FMN1: variants seen among roughly 807,000 people sequenced by gnomAD.
FMN1 encodes the protein formin 1.
Under a neutral mutation model 132.4 loss-of-function variants are expected in FMN1, and 110 were observed. That is an observed-to-expected ratio of 0.83 (90% CI 0.71 to 0.97). The LOEUF (loss-of-function observed/expected upper bound fraction) is 0.97, where lower values mean the gene tolerates loss of function less well. Among genes scored for constraint, FMN1 ranks in the 50% least tolerant of loss-of-function variants. The probability of loss-of-function intolerance (pLI) is 0.00; values close to 1 mark genes in which losing one functional copy is unlikely to be tolerated. For synonymous variants in FMN1, 722 were observed against 651.7 expected (o/e 1.11, Z -1.64); for missense variants, 1,792 against 1,705.3 (o/e 1.05, Z -0.90).
chr15:33,123,046 G>GAAAA (rs1962717272), intron 4 of FMN1, among the ~76,000 whole-genome samples: 2 of 150,954 alleles, frequency 1.3e-5, no homozygotes. Flanking sequence ...CAACTAAATA[G>GAAAA]GTTTACAGCA....
At chr15:32,937,575 T>C (rs984496510) in intron 9 of FMN1, among the ~76,000 whole-genome samples, 1 of 152,216 alleles carries the variant, frequency 6.6e-6, no homozygotes, top group Non-Finnish European at 1.5e-5. Flanking sequence ...TTCCCACTTT[T>C]AGTTTCTGAG....
At chr15:32,848,977 GTTTTTTT>G (rs71113479) in intron 17 of FMN1, among the ~76,000 whole-genome samples, 3 of 89,550 alleles carry the variant, frequency 3.4e-5, no homozygotes, top group East Asian at 4.0e-4. Context: ...GTTCTCTTTT[GTTTTTTT>G]TTTTTTTTTT....
intron 7 of FMN1, among the ~76,000 whole-genome samples, chr15:32,975,519 T>TA (rs1239408889): frequency 6.6e-6 from 1 of 152,190 alleles, no homozygotes; most frequent in African/African-American, 2.4e-5. Flanking sequence ...TGTCAACTGT[T>TA]AGACATTACT....
rs148186736 is a variant in FMN1, at chr15:32,981,769, G to T, written c.2224-12292C>A. 9.2e-5 allele frequency among the ~76,000 whole-genome samples: 14 copies of T among 152,064 alleles called. No homozygotes were observed. The East Asian group carries it at 2.5e-3, about 27-fold the overall frequency. On this transcript the variant is annotated intron_variant, in intron 7 of 20. Coordinates refer to ENST00000616417, the MANE Select transcript of FMN1 (RefSeq NM_001277313.2). ...TGATTCATTTAGGATATGTTACTTA[G>T]CTTGATTTAGGCATTCCACAACGTA...
At chr15:32,889,623 T>C (rs2059977423) in intron 15 of FMN1, among the ~76,000 whole-genome samples, 2 of 152,184 alleles carry the variant, frequency 1.3e-5, no homozygotes, top group Admixed American at 6.5e-5. Flanking sequence ...CCTTCCCTAG[T>C]GCCTCCTTAC....
intron 5 of FMN1, among the ~76,000 whole-genome samples, chr15:33,070,075 C>T (rs1207312021): frequency 7.2e-6 from 1 of 139,378 alleles, no homozygotes; most frequent in East Asian, 2.1e-4. Flanking sequence ...GTGCAATCTC[C>T]GCTCACCACA....
intron 6 of FMN1, among the ~76,000 whole-genome samples, chr15:33,018,041 G>C (rs898943824): frequency 6.7e-6 from 1 of 149,792 alleles, no homozygotes; most frequent in African/African-American, 2.5e-5. Flanking sequence ...CTCCAGCCTG[G>C]GCAACAGAGC....
In FMN1 at chr15:32,766,310, G is replaced by GT. The variant is rs1209658669; in HGVS notation, c.*7999dup. The stretch of plus-strand genomic sequence containing the variant: ...GTAGATGTTTGAATCATGAATAGTA[G>GT]TAAGAATGGAGCGGCAATAAAAATC... On this transcript the variant is annotated 3_prime_UTR_variant, in exon 21 of 21. Transcript: ENST00000616417. 3.3e-5 allele frequency: 5 copies of GT among 152,312 alleles called. No homozygotes were observed. The highest frequency in any genetic ancestry group is 5.9e-5 in the Non-Finnish European group (4 of 68,038). The allele number at this position is 152,312 out of a possible 1,614,324, so 9.4% of individuals were successfully genotyped here. A position where few individuals can be genotyped will look rare whatever the true frequency, so the allele number is the denominator to read the frequency against.
chr15:32,908,722 T>C (rs2060488763), intron 11 of FMN1, 144 bp from the exon 12 acceptor site: 3 of 603,390 alleles, frequency 5.0e-6, no homozygotes, highest in Non-Finnish European at 8.7e-6. Flanking sequence ...TTGTCAGAAA[T>C]GCAAATTATT....
intron 16 of FMN1, among the ~76,000 whole-genome samples, chr15:32,870,017 G>A (rs1157758159): frequency 6.6e-6 from 1 of 152,140 alleles, no homozygotes; most frequent in Non-Finnish European, 1.5e-5. Context: ...GGAAGTCGTT[G>A]GAATTAAGCC....
At chr15:33,093,665 T>G (rs890349001) in intron 4 of FMN1, among the ~76,000 whole-genome samples, 1 of 152,118 alleles carries the variant, frequency 6.6e-6, no homozygotes, top group Admixed American at 6.5e-5. Context: ...AGCCTCTAAC[T>G]CCTCACTGGG....
At chr15:32,856,901 C>G in intron 17 of FMN1, 114 bp downstream of exon 17, 1 of 717,558 alleles carries the variant, frequency 1.4e-6, no homozygotes, top group Non-Finnish European at 2.5e-6. Flanking sequence ...AATGAAATCA[C>G]CAGAGCTGCC....
chr15:32,875,729 C>T (rs1409957041), intron 16 of FMN1, among the ~76,000 whole-genome samples: 2 of 152,224 alleles, frequency 1.3e-5, no homozygotes, highest in Non-Finnish European at 2.9e-5. Context: ...TGAGAAGAAT[C>T]TCTCTGTGGA....
At chr15:32,946,423 GC>G (rs913166551) in intron 9 of FMN1, among the ~76,000 whole-genome samples, 1 of 152,136 alleles carries the variant, frequency 6.6e-6, no homozygotes, top group African/African-American at 2.4e-5. Context: ...TAGATGATTT[GC>G]CCAGAGATGC....
chr15:32,805,194 G>A (rs1043334502), intron 17 of FMN1, among the ~76,000 whole-genome samples: 1 of 152,104 alleles, frequency 6.6e-6, no homozygotes, highest in African/African-American at 2.4e-5. Flanking sequence ...TTTAGTGATC[G>A]CCATTCTAAC....
At chr15:32,807,088 G>T (rs987646362) in intron 17 of FMN1, among the ~76,000 whole-genome samples, 8 of 152,154 alleles carry the variant, frequency 5.3e-5, no homozygotes, top group African/African-American at 1.9e-4. Context: ...GCTTAAAAAT[G>T]CATATATTGG....
chr15:32,918,236 AACTG>A (rs1286392813), intron 10 of FMN1, among the ~76,000 whole-genome samples: 15 of 152,294 alleles, frequency 9.8e-5, no homozygotes, highest in East Asian at 5.8e-4. Flanking sequence ...TGCATGCCAA[AACTG>A]ACTAACAAGG....
intron 4 of FMN1, among the ~76,000 whole-genome samples, chr15:33,103,317 T>C (rs1229204883): frequency 6.6e-6 from 1 of 152,096 alleles, no homozygotes; most frequent in East Asian, 1.9e-4. Context: ...TTAACCTCTC[T>C]ATGTCCCAGT....
chr15:32,785,132 A>AGG lies in FMN1; in HGVS notation c.4131-8215_4131-8214dup, dbSNP rs1470934401. ...TTGAGTAACTCTTAAGTATGATGCTAGGGGTGTGTGTGTGTGTGTGTATAC... is the reference window on the plus strand; with the variant it reads ...TTGAGTAACTCTTAAGTATGATGCTAGGGGGGTGTGTGTGTGTGTGTGTATAC... On this transcript the variant is annotated intron_variant, in intron 19 of 20. Coordinates refer to ENST00000616417, the MANE Select transcript of FMN1 (RefSeq NM_001277313.2). 1.0e-3 allele frequency among the ~76,000 whole-genome samples: 135 copies of AGG among 134,116 alleles called. 1 individual carries two copies. Among genetic ancestry groups the AGG allele is most frequent in the African/African-American group, 2.5e-3 (89 of 36,076 alleles). The allele number at this position is 134,116 out of a possible 152,430, so 88.0% of individuals were successfully genotyped here.
Sources: gnomAD v4.1 joint callset for allele counts (sites outside exome capture counted in the v4.1 genomes callset) on GRCh38, gnomAD v4.1.1 for gene constraint, MANE v1.5 for transcripts, NCBI Gene and HGNC (gene_info 2026-07-23, HGNC 2026-07-21) for gene names.